C1D: variants seen among roughly 807,000 people sequenced by gnomAD.
C1D encodes the protein C1D nuclear receptor corepressor.
In C1D, 10 loss-of-function variants were observed where a neutral mutation model predicts 17.5. That is an observed-to-expected ratio of 0.57 (90% CI 0.35 to 0.97). The LOEUF is 0.97. C1D is among the 50% of genes least tolerant of loss of function. The probability of loss-of-function intolerance (pLI) is 0.01; values close to 1 mark genes in which losing one functional copy is unlikely to be tolerated. For synonymous variants in C1D, 49 were observed against 54.0 expected (o/e 0.91, Z 0.40); for missense variants, 136 against 160.1 (o/e 0.85, Z 0.81).
intron 1 of C1D, among the ~76,000 whole-genome samples, chr2:68,059,262 T>C (rs1198220344): frequency 2.0e-5 from 3 of 152,086 alleles, no homozygotes; most frequent in Non-Finnish European, 2.9e-5. Flanking sequence ...AACCAAGACA[T>C]TCAATCTGCC....
At chr2:68,045,967 A>T (rs1671107857) in intron 4 of C1D, 21 bp downstream of exon 4, 1 of 1,518,824 alleles carries the variant, frequency 6.6e-7, no homozygotes, top group South Asian at 1.2e-5. Context: ...CACATAAAAT[A>T]AAAAGAAATT....
chr2:68,053,644 A>C (rs1458895739), intron 1 of C1D, among the ~76,000 whole-genome samples: 1 of 152,176 alleles, frequency 6.6e-6, no homozygotes, highest in Non-Finnish European at 1.5e-5. Context: ...TCCCTCCCAC[A>C]TGGAAGACAG....
chr2:68,062,863 A>C (rs1216092494), intron 1 of C1D, 95 bp downstream of exon 1: 2 of 152,246 alleles, frequency 1.3e-5, no homozygotes, highest in Non-Finnish European at 2.9e-5. Context: ...CGATTTTCTC[A>C]GTCTGCCCAG....
At chr2:68,047,098 C>A (rs1001173764) in intron 2 of C1D, 75 bp downstream of exon 2, 1 of 1,370,616 alleles carries the variant, frequency 7.3e-7, no homozygotes, top group Non-Finnish European at 9.9e-7. Context: ...TAATCTGTTT[C>A]TTCTTCCACA....
intron 1 of C1D, among the ~76,000 whole-genome samples, chr2:68,051,321 C>A (rs1209910787): frequency 6.6e-6 from 1 of 152,010 alleles, no homozygotes; most frequent in African/African-American, 2.4e-5. Flanking sequence ...GAGTTCGAGA[C>A]CAACCTGGGC....
chr2:68,051,765 G>C lies in C1D; in HGVS notation c.-9-4446C>G, dbSNP rs535875185. On this transcript the variant is annotated intron_variant, in intron 1 of 4. Transcript: ENST00000410067. ...AGAGCTCATTATGTTACCTTCACCA[G>C]ATCTCCACTCAAATGTCATCTATTG... Among the ~76,000 whole-genome samples the C allele has an allele frequency of 2.6e-5, 4 of 151,818 alleles. No individual in the cohort carries two copies. The South Asian group carries it at 8.4e-4, about 32-fold the overall frequency.
chr2:68,060,587 G>A (rs1671593969), intron 1 of C1D, among the ~76,000 whole-genome samples: 1 of 150,980 alleles, frequency 6.6e-6, no homozygotes, highest in South Asian at 2.1e-4. Flanking sequence ...AGGTTGCAGT[G>A]AGCCGAGATT....
rs1010129740 is a variant in C1D, at chr2:68,047,380, A to G, written c.-9-61T>C. ...GACAGAGCTTGTTCTTTAGTTTCCA[A>G]AAAAAAAAATCAATAGGTCATATCA... On this transcript the variant is annotated intron_variant, in intron 1 of 4. Coordinates refer to ENST00000410067, the MANE Select transcript of C1D (RefSeq NM_173177.3). 5 of 1,315,068 alleles carry G rather than the reference A, an allele frequency of 3.8e-6. No homozygotes were observed. The African/African-American group carries it at 6.1e-5, about 16-fold the overall frequency. 81.5% of individuals were successfully genotyped at this position (1,315,068 alleles called of 1,614,324 possible).
rs1403612196 is a variant in C1D, at chr2:68,042,837, GGGGGGGGGGGA to G, written c.*41_*51del. 1.1e-5 allele frequency: 4 copies of G among 355,792 alleles called. 1 individual carries two copies. The highest frequency in any genetic ancestry group is 6.2e-5 in the South Asian group (2 of 32,296). The allele number at this position is 355,792 out of a possible 1,614,324, so 22.0% of individuals were successfully genotyped here. Reference sequence around the variant, plus strand: ...CCACAGAATTATTTTGCGGGGGGGGGGGGGGGGGGGAAGATGTACTTTTTGAATATGTGTAC... The same window carrying G: ...CCACAGAATTATTTTGCGGGGGGGGGAGATGTACTTTTTGAATATGTGTAC... On this transcript the variant is annotated 3_prime_UTR_variant, in exon 5 of 5. Transcript: ENST00000410067.
rs1670952834 is a variant in C1D at position 68,041,303 on chromosome 2, CAAT to C, written c.*1583_*1585del. ...CATAAACCAATAACTTAGCTAAAAC[CAAT>C]AATGATTTTCTGCAATTGTATAACA... On this transcript the variant is annotated 3_prime_UTR_variant, in exon 5 of 5. Coordinates refer to ENST00000410067, the MANE Select transcript of C1D (RefSeq NM_173177.3). The C allele has an allele frequency of 6.6e-6, 1 of 151,912 alleles. No homozygotes were observed. The highest frequency in any genetic ancestry group is 2.1e-4 in the South Asian group (1 of 4,834). The allele number at this position is 151,912 out of a possible 1,614,324, so 9.4% of individuals were successfully genotyped here.
At chr2:68,045,641 C>T (rs535054285) in intron 4 of C1D, among the ~76,000 whole-genome samples, 1 of 151,622 alleles carries the variant, frequency 6.6e-6, no homozygotes, top group South Asian at 2.1e-4. Context: ...CCCGTCTTTG[C>T]TAGTAAATCA....
intron 1 of C1D, among the ~76,000 whole-genome samples, chr2:68,049,069 C>T (rs76078044): frequency 2.0e-5 from 3 of 151,994 alleles, no homozygotes; most frequent in East Asian, 1.9e-4. Flanking sequence ...TGGTGGCGCA[C>T]GCCTGTAATC....
intron 2 of C1D, 115 bp downstream of exon 2, chr2:68,047,058 G>A: frequency 5.6e-6 from 5 of 895,546 alleles, no homozygotes; most frequent in Non-Finnish European, 7.8e-6. Context: ...TAATAAAATT[G>A]AAATAAAGGG....
Position 68,042,751 on chromosome 2 carries a change from A to G in C1D, c.*138T>C. ...ATGATCTTTGGAGAGGAAAGTATTT[A>G]GCTTTACATATTTACTGTGAATTTA... is the stretch of plus-strand genomic sequence containing the variant. On this transcript the variant is annotated 3_prime_UTR_variant, in exon 5 of 5. Transcript: ENST00000410067. 1 of 521,424 alleles carries G rather than the reference A, an allele frequency of 1.9e-6. No homozygotes were observed. 32.3% of individuals were successfully genotyped at this position (521,424 alleles called of 1,614,324 possible). A position where few individuals can be genotyped will look rare whatever the true frequency, so the allele number is the denominator to read the frequency against.
chr2:68,047,707 G>A (rs1189721870), intron 1 of C1D, among the ~76,000 whole-genome samples: 1 of 152,136 alleles, frequency 6.6e-6, no homozygotes, highest in Admixed American at 6.5e-5. Flanking sequence ...GGGACTACAG[G>A]CCCATTGCCA....
At chr2:68,046,255 G>C in intron 3 of C1D, 89 bp downstream of exon 3, 1 of 1,056,012 alleles carries the variant, frequency 9.5e-7, no homozygotes, top group Non-Finnish European at 1.4e-6. Flanking sequence ...AAGTATAATT[G>C]TAAATAAATT....
In C1D at chr2:68,047,185, C is replaced by T. The variant is rs768459322; in HGVS notation, c.126G>A (p.Glu42=). Residue 42 remains glutamate, a synonymous_variant, in exon 2 of 5, where the codon GAG becomes GAA. Transcript: ENST00000410067. ...LKTMMSVSRN[E]LLQKLDPLEQ... is the part of the protein sequence containing the mutation. ...ATTTTTAAAATACCTTCTGCAACAA[C>T]TCATTTCTAGAAACAGACATCATGG... 50 of 1,602,562 alleles carry T rather than the reference C, an allele frequency of 3.1e-5. 1 individual carries two copies. The South Asian group carries it at 5.5e-4, about 18-fold the overall frequency.
rs1352593091 is a variant in C1D at position 68,046,526 on chromosome 2, G to C, written c.139-116C>G. On this transcript the variant is annotated intron_variant, in intron 2 of 4. Transcript: ENST00000410067. ...TTACCAAGTACAATGTATCAAAGAA[G>C]TTTTTTTCACTTCATATAATCCAAT... 6 of 663,128 alleles carry C rather than the reference G, an allele frequency of 9.0e-6. No individual in the cohort carries two copies. In the South Asian group the frequency reaches 1.0e-4, roughly 11 times the overall value. The allele number at this position is 663,128 out of a possible 1,614,324, so 41.1% of individuals were successfully genotyped here. A position where few individuals can be genotyped will look rare whatever the true frequency, so the allele number is the denominator to read the frequency against.
chr2:68,049,377 G>A (rs954998280), intron 1 of C1D, among the ~76,000 whole-genome samples: 1 of 152,134 alleles, frequency 6.6e-6, no homozygotes, highest in Admixed American at 6.6e-5. Context: ...TTATTGCCTA[G>A]ATAAAGGTAT....
Sources: gnomAD v4.1 joint callset for allele counts (sites outside exome capture counted in the v4.1 genomes callset) on GRCh38, gnomAD v4.1.1 for gene constraint, MANE v1.5 for transcripts, NCBI Gene and HGNC (gene_info 2026-07-23, HGNC 2026-07-21) for gene names.